The following PTK2 variants were observed in gnomAD, a reference collection of about 807,000 sequenced individuals.
PTK2 encodes protein tyrosine kinase 2.
Under a neutral mutation model 150.1 loss-of-function variants are expected in PTK2, and 45 were observed. The observed-to-expected ratio is 0.30, with a 90% CI of 0.24 to 0.38. The LOEUF is 0.38. Ranked by LOEUF, PTK2 falls within the 10% of genes least tolerant of loss-of-function variation. The pLI is 1.00. For synonymous variants in PTK2, 432 were observed against 449.2 expected, an observed-to-expected ratio of 0.96 and a Z score of 0.48; for missense variants, 919 against 1,307.3, an observed-to-expected ratio of 0.70 and a Z score of 4.58.
chr8:140,685,325 T>C (rs1251524206), intron 27 of PTK2, among the ~76,000 whole-genome samples: 1 of 152,198 alleles, frequency 6.6e-6, no homozygotes, highest in Non-Finnish European at 1.5e-5. Flanking sequence ...ATTCTGGACA[T>C]AGGCCCTTGC....
At chr8:140,918,629 C>A (rs987139319) in intron 2 of PTK2, among the ~76,000 whole-genome samples, 1 of 152,034 alleles carries the variant, frequency 6.6e-6, no homozygotes, top group Admixed American at 6.5e-5. Context: ...TTCAAACACC[C>A]CAGAAGGCTT....
intron 4 of PTK2, 115 bp from the exon 5 acceptor site, chr8:140,864,514 A>G: frequency 1.9e-6 from 1 of 524,194 alleles, no homozygotes; most frequent in South Asian, 3.9e-5. Context: ...GATGATTTCA[A>G]ATAAAAGCTA....
intron 1 of PTK2, among the ~76,000 whole-genome samples, chr8:140,973,850 G>A (rs1196845398): frequency 6.6e-6 from 1 of 152,150 alleles, no homozygotes; most frequent in African/African-American, 2.4e-5. Context: ...ATCTTAACCA[G>A]TCTAGGTTTT....
At chr8:140,816,320 T>A (rs1217980890) in intron 10 of PTK2, among the ~76,000 whole-genome samples, 3 of 152,166 alleles carry the variant, frequency 2.0e-5, no homozygotes, top group Non-Finnish European at 4.4e-5. Context: ...TTGAAGGGTA[T>A]AAAAGAAGTC....
chr8:140,935,317 G>C (rs2100173223), intron 1 of PTK2, among the ~76,000 whole-genome samples: 2 of 152,138 alleles, frequency 1.3e-5, no homozygotes, highest in Admixed American at 1.3e-4. Flanking sequence ...AAGGAATCAA[G>C]AATCAGGATT....
At chr8:140,850,856 T>A (rs1388829747) in intron 5 of PTK2, among the ~76,000 whole-genome samples, 1 of 152,242 alleles carries the variant, frequency 6.6e-6, no homozygotes, top group Non-Finnish European at 1.5e-5. Flanking sequence ...GGTTTTAATA[T>A]AAAAACTGTT....
intron 27 of PTK2, among the ~76,000 whole-genome samples, chr8:140,676,782 A>ATAAAAAAAAAAT (rs2100014087): frequency 1.4e-5 from 2 of 146,164 alleles, no homozygotes; most frequent in African/African-American, 5.1e-5. Flanking sequence ...AAAAAAAAAA[A>ATAAAAAAAAAAT]AAAAAAATAG....
intron 2 of PTK2, among the ~76,000 whole-genome samples, chr8:140,919,367 TG>T (rs2100166523): frequency 6.6e-6 from 1 of 152,230 alleles, no homozygotes; most frequent in South Asian, 2.1e-4. Context: ...TCAATCACTT[TG>T]GGGTGAGCAA....
intron 22 of PTK2, among the ~76,000 whole-genome samples, chr8:140,734,264 T>C (rs1387888974): frequency 6.6e-6 from 1 of 152,178 alleles, no homozygotes; most frequent in Admixed American, 6.5e-5. Context: ...TGAAAACAGG[T>C]GACACAGCAC....
intron 27 of PTK2, among the ~76,000 whole-genome samples, chr8:140,680,889 C>A (rs2100016529): frequency 6.6e-6 from 1 of 152,190 alleles, no homozygotes; most frequent in Admixed American, 6.5e-5. Context: ...TTGACAGTTG[C>A]ATACACACCT....
chr8:140,804,831 G>A (rs2100097378), intron 10 of PTK2, among the ~76,000 whole-genome samples: 1 of 152,168 alleles, frequency 6.6e-6, no homozygotes, highest in Admixed American at 6.5e-5. Context: ...TCCCCGGGAG[G>A]CCACAGGCAG....
At chr8:140,989,149 G>A (rs545242989) in intron 1 of PTK2, among the ~76,000 whole-genome samples, 3 of 148,772 alleles carry the variant, frequency 2.0e-5, no homozygotes, top group African/African-American at 4.9e-5. Context: ...AAGCAAAGGC[G>A]GGAGGACTGG....
chr8:140,664,789 G>A (rs540340669), intron 31 of PTK2, 128 bp downstream of exon 35: 22 of 901,442 alleles, frequency 2.4e-5, no homozygotes, highest in Non-Finnish European at 3.0e-5. Context: ...GAAGGTCATC[G>A]CTTGTAGGGC....
chr8:140,872,100 A>G (rs568602117), intron 4 of PTK2, among the ~76,000 whole-genome samples: 3 of 152,262 alleles, frequency 2.0e-5, no homozygotes, highest in East Asian at 1.9e-4. Flanking sequence ...CCAGCTACTC[A>G]GTGACACTAT....
At chr8:140,948,691 G>A (rs1004498913) in intron 1 of PTK2, 2 of 152,076 alleles carry the variant, frequency 1.3e-5, no homozygotes, top group Non-Finnish European at 2.9e-5. Flanking sequence ...CCACGTCAGC[G>A]GGTTCCACAT....
chr8:140,662,626 C>A (rs1328753757), intron 31 of PTK2: 2 of 516,620 alleles, frequency 3.9e-6, no homozygotes, highest in Admixed American at 5.0e-5. Flanking sequence ...AGGGTTTATG[C>A]ATATGAATCA....
chr8:141,001,571 G>T (rs1320038520), upstream of PTK2, among the ~76,000 whole-genome samples: 1 of 152,090 alleles, frequency 6.6e-6, no homozygotes, highest in Non-Finnish European at 1.5e-5. Flanking sequence ...CCCGCCGAGC[G>T]GACATCCTGG....
intron 23 of PTK2, among the ~76,000 whole-genome samples, chr8:140,708,720 C>T (rs1471737817): frequency 3.9e-5 from 6 of 152,038 alleles, no homozygotes; most frequent in Admixed American, 1.3e-4. Context: ...GCTAGGGTGG[C>T]AATTTCCAAA....
intron 4 of PTK2, among the ~76,000 whole-genome samples, chr8:140,873,891 A>C (rs1200490454): frequency 6.6e-6 from 1 of 152,218 alleles, no homozygotes; most frequent in Admixed American, 6.5e-5. Context: ...GGAATGTCCT[A>C]ATCTTAGTAC....
Sources: allele counts gnomAD v4.1 joint callset (sites outside exome capture counted in the v4.1 genomes callset), GRCh38; gene constraint gnomAD v4.1.1; transcripts MANE v1.5; gene names NCBI Gene and HGNC (gene_info 2026-07-23, HGNC 2026-07-21).